The following ADAMTS14 variants were observed in gnomAD, a reference collection of about 807,000 sequenced individuals.
ADAMTS14 encodes ADAM metallopeptidase with thrombospondin type 1 motif 14.
ADAMTS14 carries 100 observed loss-of-function variants against 128.6 expected under a neutral mutation model. The observed-to-expected ratio is 0.78, with a 90% CI of 0.66 to 0.92. The LOEUF is 0.92. Among genes scored for constraint, ADAMTS14 ranks in the 40% least tolerant of loss-of-function variants. The pLI is 0.00. For synonymous variants in ADAMTS14, 665 were observed against 653.8 expected (o/e 1.02, Z -0.26); for missense variants, 1,562 against 1,658.6 (o/e 0.94, Z 1.01).
intron 2 of ADAMTS14, among the ~76,000 whole-genome samples, chr10:70,687,683 G>T (rs1418920473): frequency 4.6e-5 from 2 of 43,570 alleles, no homozygotes; most frequent in Admixed American, 1.8e-4. Context: ...GGCCAGGCGG[G>T]GGGCTGACCC....
At chr10:70,732,613 C>A (rs1841682874) in intron 7 of ADAMTS14, among the ~76,000 whole-genome samples, 1 of 152,202 alleles carries the variant, frequency 6.6e-6, no homozygotes, top group Non-Finnish European at 1.5e-5. Flanking sequence ...AATCCCAGGG[C>A]CATAGGGGAC....
chr10:70,749,322 A>G (rs896854359), intron 15 of ADAMTS14, among the ~76,000 whole-genome samples: 1 of 152,170 alleles, frequency 6.6e-6, no homozygotes, highest in Non-Finnish European at 1.5e-5. Context: ...ACTGGGTACA[A>G]TGATCATTCC....
At chr10:70,716,728 A>G (rs1004717855) in intron 4 of ADAMTS14, among the ~76,000 whole-genome samples, 2 of 152,188 alleles carry the variant, frequency 1.3e-5, no homozygotes, top group Admixed American at 6.5e-5. Context: ...TGGCGGGACC[A>G]GAGGGAGGAG....
chr10:70,729,181 C>A, intron 4 of ADAMTS14, 113 bp from the exon 5 acceptor site: 1 of 888,880 alleles, frequency 1.1e-6, no homozygotes, highest in Non-Finnish European at 1.8e-6. Context: ...AAGTATCTTG[C>A]CTGATAAGGT....
chr10:70,707,864 A>G (rs1840714842), intron 3 of ADAMTS14, among the ~76,000 whole-genome samples: 1 of 152,192 alleles, frequency 6.6e-6, no homozygotes, highest in Admixed American at 6.5e-5. Flanking sequence ...AGACACACTC[A>G]CTCACAGTCT....
intron 6 of ADAMTS14, among the ~76,000 whole-genome samples, chr10:70,731,551 G>GC (rs1333189137): frequency 6.6e-6 from 1 of 152,108 alleles, no homozygotes; most frequent in Non-Finnish European, 1.5e-5. Flanking sequence ...GCTGGTGCCG[G>GC]CCCCCCTGCA....
rs1471335650 is a variant in ADAMTS14 at position 70,749,876 on chromosome 10, C to G, written c.2318C>G (p.Ala773Gly). 3 of 1,614,102 alleles carry G rather than the reference C, an allele frequency of 1.9e-6. No homozygotes were observed. Among genetic ancestry groups the G allele is most frequent in the Non-Finnish European group, 2.5e-6 (3 of 1,180,030 alleles). ...SFILNPKGKEATSRTFTAMGL... is the reference protein window; with the variant it reads ...SFILNPKGKEGTSRTFTAMGL... ...ATCCTCAACCCCAAGGGCAAGGAAGCCACAAGCCGGACCTTCACCGCCATG... is the reference window on the plus strand; with the variant it reads ...ATCCTCAACCCCAAGGGCAAGGAAGGCACAAGCCGGACCTTCACCGCCATG... Residue 773 changes from alanine to glycine, a missense_variant, in exon 16 of 22, where the codon GCC becomes GGC. Transcript: ENST00000373207.
intron 2 of ADAMTS14, among the ~76,000 whole-genome samples, chr10:70,686,400 G>T (rs1589261464): frequency 8.2e-6 from 1 of 121,408 alleles, no homozygotes; most frequent in Non-Finnish European, 1.7e-5. Flanking sequence ...GTGAACAAAG[G>T]TCTCTGGTTT....
At chr10:70,745,682 C>T (rs1002712266) in intron 15 of ADAMTS14, among the ~76,000 whole-genome samples, 5 of 152,218 alleles carry the variant, frequency 3.3e-5, no homozygotes, top group African/African-American at 7.2e-5. Context: ...CACTCCAAAA[C>T]TTAGTGGCTT....
Position 70,750,499 on chromosome 10 carries a change from G to A in ADAMTS14, c.2427+514G>A, listed in dbSNP as rs150957559. Among the ~76,000 whole-genome samples the A allele has an allele frequency of 6.2e-3, 951 of 152,300 alleles. 4 individuals are homozygous for A. The highest frequency in any genetic ancestry group is 0.022 in the African/African-American group (910 of 41,562). On this transcript the variant is annotated intron_variant, in intron 16 of 21. Coordinates refer to ENST00000373207, the MANE Select transcript of ADAMTS14 (RefSeq NM_080722.4). ...TGGAATAGGGATTAACCCAGCAGAC[G>A]AGACCATTAGGAGTTCTGTCCATGG... is the stretch of plus-strand genomic sequence containing the variant.
At position 70,733,902 on chromosome 10, in the gene ADAMTS14, A is replaced by G. The variant is rs554886910; in HGVS notation, c.1226A>G (p.Asp409Gly). The change falls in exon 8 of 22, where the codon GAC becomes GGC. Residue 409 changes from aspartate (D) to glycine (G), a missense_variant. Physicochemically the swap from Asp to Gly is moderately conservative, Grantham distance 94. Coordinates refer to ENST00000373207, the MANE Select transcript of ADAMTS14 (RefSeq NM_080722.4). ...ETGHVLGMEH[D>G]GQGNGCADET... ...CATTCCAGGCTCGGCATGGAGCATG[A>G]CGGTCAGGGGAATGGCTGTGCAGAT... The G allele has an allele frequency of 2.8e-5, 45 of 1,613,556 alleles. No homozygotes were observed. In the South Asian group the frequency reaches 4.7e-4, roughly 17 times the overall value.
intron 2 of ADAMTS14, among the ~76,000 whole-genome samples, chr10:70,684,552 T>C (rs1448456744): frequency 6.6e-6 from 1 of 152,268 alleles, no homozygotes; most frequent in African/African-American, 2.4e-5. Flanking sequence ...AGGCAAGTGA[T>C]TTGACGTCTC....
intron 2 of ADAMTS14, among the ~76,000 whole-genome samples, chr10:70,696,230 C>T (rs1009247023): frequency 6.6e-6 from 1 of 152,034 alleles, no homozygotes; most frequent in African/African-American, 2.4e-5. Flanking sequence ...GAGGAGGTAA[C>T]AGAGAGGTGA....
chr10:70,729,615 T>G (rs1007510367), intron 5 of ADAMTS14, among the ~76,000 whole-genome samples: 3 of 152,080 alleles, frequency 2.0e-5, no homozygotes, highest in African/African-American at 7.2e-5. Context: ...CACTGGGAGA[T>G]CCCTCTTCTT....
chr10:70,734,464 G>A (rs1841755987), intron 8 of ADAMTS14, among the ~76,000 whole-genome samples: 2 of 152,084 alleles, frequency 1.3e-5, no homozygotes, highest in Admixed American at 6.5e-5. Context: ...AGAGCTGCCC[G>A]GGATCGACTT....
chr10:70,760,538 C>T lies in ADAMTS14; in HGVS notation c.3357C>T (p.Ser1119=). Residue 1119 remains serine (S), a synonymous_variant, in exon 22 of 22, where the codon AGC becomes AGT. Transcript: ENST00000373207. The part of the protein sequence containing the change: ...TSLPPFSTPG[S]PLPGPQDPAD... ...TGCCCCCCTTCTCCACTCCTGGAAGCCCCTTACCAGGACCCCAGGACCCTG... is the reference window on the plus strand; with the variant it reads ...TGCCCCCCTTCTCCACTCCTGGAAGTCCCTTACCAGGACCCCAGGACCCTG... The T allele has an allele frequency of 6.2e-7, 1 of 1,613,314 alleles. No homozygotes were observed. The highest frequency in any genetic ancestry group is 8.5e-7 in the Non-Finnish European group (1 of 1,179,676).
rs954925508 is a variant in ADAMTS14 at position 70,758,266 on chromosome 10, C to T, written c.3159C>T (p.Pro1053=). Residue 1053 remains proline (P), a synonymous_variant, in exon 21 of 22, where the codon CCC becomes CCT. Coordinates refer to ENST00000373207, the MANE Select transcript of ADAMTS14 (RefSeq NM_080722.4). The stretch of plus-strand genomic sequence containing the variant: ...TGCCACAATCTGAACCCCTACATCC[C>T]ATTAACAAGATATCATCAAGTAAGT... ...QWVPQSEPLH[P]INKISSTEPC... 1.9e-6 allele frequency: 3 copies of T among 1,614,066 alleles called. No homozygotes were observed. The highest frequency in any genetic ancestry group is 3.3e-5 in the Admixed American group (2 of 60,002).
rs552038505 is a variant in ADAMTS14, at chr10:70,741,488, G to C, written c.1924+326G>C. Among the ~76,000 whole-genome samples, 7 of 152,356 alleles carry C rather than the reference G, an allele frequency of 4.6e-5. No individual in the cohort carries two copies. The South Asian group carries it at 1.2e-3, about 27-fold the overall frequency. On this transcript the variant is annotated intron_variant, in intron 12 of 21. Transcript: ENST00000373207. The stretch of plus-strand genomic sequence containing the variant: ...GCCAAGGCCGGCAGCAGTGTTGGCT[G>C]TTAGGGTTGCCTGCCTTTCGTCTTC...
chr10:70,757,827 G>A, intron 19 of ADAMTS14, 135 bp from the exon 20 acceptor site: 2 of 1,334,868 alleles, frequency 1.5e-6, no homozygotes, highest in East Asian at 2.3e-5. Context: ...CTGGTCAAGT[G>A]AAGACTTGGT....
Sources: gnomAD v4.1 joint callset for allele counts (sites outside exome capture counted in the v4.1 genomes callset) on GRCh38, gnomAD v4.1.1 for gene constraint, MANE v1.5 for transcripts, NCBI Gene and HGNC (gene_info 2026-07-23, HGNC 2026-07-21) for gene names.